WDHD1: variants seen among roughly 807,000 people sequenced by gnomAD.
WDHD1 encodes the protein WD repeat and HMG-box DNA binding protein 1.
A neutral mutation model predicts 135.4 loss-of-function variants in WDHD1; 111 were observed. The observed-to-expected ratio is 0.82, with a 90% CI of 0.70 to 0.96. WDHD1 has a LOEUF of 0.96. Ranked by LOEUF, WDHD1 falls within the 40% of genes least tolerant of loss-of-function variation. The pLI is 0.00. For synonymous variants in WDHD1, 434 were observed against 439.0 expected (o/e 0.99, Z 0.14); for missense variants, 1,351 against 1,336.3 (o/e 1.01, Z -0.17).
intron 24 of WDHD1, among the ~76,000 whole-genome samples, chr14:54,954,006 A>T (rs2041108877): frequency 2.6e-5 from 4 of 152,094 alleles, no homozygotes; most frequent in Non-Finnish European, 5.9e-5. Context: ...TAGCATTAGG[A>T]GATATACCTA....
At chr14:54,960,832 C>T (rs1372543698) in intron 21 of WDHD1, among the ~76,000 whole-genome samples, 3 of 152,100 alleles carry the variant, frequency 2.0e-5, no homozygotes, top group Admixed American at 2.0e-4. Flanking sequence ...CAGGGTCTTG[C>T]TCTGTCACCC....
intron 12 of WDHD1, 79 bp from the exon 13 acceptor site, chr14:54,989,291 A>G: frequency 2.0e-6 from 2 of 989,792 alleles, no homozygotes; most frequent in Non-Finnish European, 1.5e-6. Flanking sequence ...AGTACAAATT[A>G]ACAAATATTA....
chr14:54,983,615 G>A lies in WDHD1; in HGVS notation c.1906+1108C>T, dbSNP rs184821344. On this transcript the variant is annotated intron_variant, in intron 15 of 25. Transcript: ENST00000360586. ...TGGAACCCGGAAGGCAGAGGTTGCA[G>A]TAAGCTGAGATCGCATCATTGCACT... 1.0e-3 allele frequency among the ~76,000 whole-genome samples: 153 copies of A among 152,196 alleles called. 1 individual carries two copies. The highest frequency in any genetic ancestry group is 2.4e-3 in the Admixed American group (37 of 15,280).
At chr14:54,955,392 T>C (rs1373566022) in intron 24 of WDHD1, among the ~76,000 whole-genome samples, 169 bp downstream of exon 24, 1 of 152,186 alleles carries the variant, frequency 6.6e-6, no homozygotes, top group Admixed American at 6.5e-5. Context: ...ATATTATAAA[T>C]AGACATTAAT....
intron 24 of WDHD1, among the ~76,000 whole-genome samples, chr14:54,947,020 G>A (rs994473531): frequency 6.6e-6 from 1 of 151,570 alleles, no homozygotes; most frequent in African/African-American, 2.4e-5. Flanking sequence ...TCCAGCCTTG[G>A]TGACAGGGCA....
At chr14:55,005,097 T>G (rs561374557) in intron 7 of WDHD1, 1 of 534,444 alleles carries the variant, frequency 1.9e-6, no homozygotes, top group Non-Finnish European at 3.7e-6. Context: ...ACTGTAGAAG[T>G]AGAGATCAGG....
chr14:54,973,285 A>C (rs1238374239), intron 16 of WDHD1, among the ~76,000 whole-genome samples: 1 of 152,174 alleles, frequency 6.6e-6, no homozygotes, highest in Non-Finnish European at 1.5e-5. Flanking sequence ...AGGGTTTAAA[A>C]ATTTTATAAA....
At chr14:54,982,221 G>C (rs2041630417) in intron 15 of WDHD1, among the ~76,000 whole-genome samples, 1 of 151,976 alleles carries the variant, frequency 6.6e-6, no homozygotes, top group African/African-American at 2.4e-5. Context: ...ATGTTAGCCA[G>C]GATGGTCTCA....
chr14:54,953,223 C>T (rs1387417175), intron 24 of WDHD1, among the ~76,000 whole-genome samples: 1 of 152,160 alleles, frequency 6.6e-6, no homozygotes, highest in Non-Finnish European at 1.5e-5. Context: ...GCAATCTACC[C>T]ATCTGACAAA....
chr14:55,000,906 T>C lies in WDHD1; in HGVS notation c.780A>G (p.Glu260=). Residue 260 remains glutamate, a synonymous_variant, in exon 9 of 26, where the codon GAA becomes GAG. Transcript: ENST00000360586. ...CATACCTTTCCATGCAGTCTTTGGT[T>C]TCCACATTCCAAACTATGATTAGAC... ...INGLIIVWNV[E]TKDCMERVKH... is the part of the protein sequence containing the mutation. The C allele has an allele frequency of 1.3e-6, 2 of 1,581,988 alleles. No homozygotes were observed. Among genetic ancestry groups the C allele is most frequent in the South Asian group, 2.4e-5 (2 of 83,446 alleles).
chr14:54,995,760 C>A lies in WDHD1; in HGVS notation c.996G>T (p.Met332Ile). 1 of 1,612,800 alleles carries A rather than the reference C, an allele frequency of 6.2e-7. No individual in the cohort carries two copies. Residue 332 changes from methionine to isoleucine, a missense_variant, in exon 11 of 26, where the codon ATG (methionine) becomes ATT (isoleucine). Physicochemically the swap from Met to Ile is conservative, Grantham distance 10. Around this residue, in one of 2 missense-constraint regions of WDHD1, gnomAD observed 1,330 missense variants for 1,296.1 expected, o/e 1.03. Transcript: ENST00000360586. ...CATTTAGAAAATCACCAGCATTACT[C>A]ATATCATCTCCATCAAAAAGATCAT... ...DYNDLFDGDDMSNAGDFLNDN... is the reference protein window; with the variant it reads ...DYNDLFDGDDISNAGDFLNDN...
intron 11 of WDHD1, among the ~76,000 whole-genome samples, chr14:54,993,781 A>G (rs1377439814): frequency 6.6e-6 from 1 of 152,128 alleles, no homozygotes; most frequent in Non-Finnish European, 1.5e-5. Flanking sequence ...AGTACTATTC[A>G]TGTTTACATG....
At chr14:54,996,933 A>C (rs2041890091) in intron 10 of WDHD1, among the ~76,000 whole-genome samples, 1 of 151,714 alleles carries the variant, frequency 6.6e-6, no homozygotes, top group Non-Finnish European at 1.5e-5. Context: ...CTGGGACTAC[A>C]GGCGCATGCC....
At chr14:54,958,697 G>T (rs1236822258) in intron 21 of WDHD1, among the ~76,000 whole-genome samples, 1 of 152,098 alleles carries the variant, frequency 6.6e-6, no homozygotes, top group African/African-American at 2.4e-5. Flanking sequence ...CCCTGACTTA[G>T]TTCCTTCCTC....
intron 17 of WDHD1, among the ~76,000 whole-genome samples, 200 bp downstream of exon 17, chr14:54,967,080 T>C (rs1055617041): frequency 1.3e-5 from 2 of 152,206 alleles, no homozygotes; most frequent in Non-Finnish European, 2.9e-5. Context: ...ATTTACTTTG[T>C]AGACAAAGTC....
chr14:54,991,382 G>T lies in WDHD1; in HGVS notation c.1172C>A (p.Thr391Asn), dbSNP rs746746117. ...CTCCTCTTTGAGAAGACTAGAACCA[G>T]TTTTTAGCATTGAAATATCTACAAC... The part of the protein sequence containing the change: ...ENSVDISMLK[T>N]GSSLLKEEEE... Residue 391 changes from threonine (T) to asparagine (N), a missense_variant, in exon 12 of 26, where the codon ACT (threonine) becomes AAT (asparagine). Coordinates refer to ENST00000360586, the MANE Select transcript of WDHD1 (RefSeq NM_007086.4). 1 of 1,613,724 alleles carries T rather than the reference G, an allele frequency of 6.2e-7. No homozygotes were observed. The highest frequency in any genetic ancestry group is 1.3e-5 in the African/African-American group (1 of 74,918).
chr14:54,999,544 C>T (rs1047204325), intron 10 of WDHD1, among the ~76,000 whole-genome samples: 1 of 152,186 alleles, frequency 6.6e-6, no homozygotes, highest in Non-Finnish European at 1.5e-5. Context: ...TAGAATTCAA[C>T]TTTTTGAGAA....
chr14:54,958,612 A>G lies in WDHD1; in HGVS notation c.2702-977T>C, dbSNP rs138403748. On this transcript the variant is annotated intron_variant, in intron 21 of 25. Coordinates refer to ENST00000360586, the MANE Select transcript of WDHD1 (RefSeq NM_007086.4). ...TTTCAGTCACCTTGTTTGCTCTATC[A>G]ATGGCATCCCACATAGCTGACTGTT... 2.0e-4 allele frequency among the ~76,000 whole-genome samples: 30 copies of G among 152,276 alleles called. 2 individuals are homozygous for G. In the East Asian group the frequency reaches 5.8e-3, roughly 29 times the overall value.
intron 3 of WDHD1, 105 bp downstream of exon 3, chr14:55,013,380 G>T: frequency 1.4e-6 from 1 of 721,824 alleles, no homozygotes; most frequent in Non-Finnish European, 2.3e-6. Context: ...ATTATTTCAT[G>T]AGATAAACAA....
Sources: allele counts gnomAD v4.1 joint callset (sites outside exome capture counted in the v4.1 genomes callset), GRCh38; gene constraint gnomAD v4.1.1; regional missense constraint gnomAD v4.1.1; transcripts MANE v1.5; gene names NCBI Gene and HGNC (gene_info 2026-07-23, HGNC 2026-07-21).